The following NKAIN3 variants were observed in gnomAD, a reference collection of about 807,000 sequenced individuals.
NKAIN3 encodes the protein sodium/potassium transporting ATPase interacting 3.
In NKAIN3, 25 loss-of-function variants were observed where a neutral mutation model predicts 30.2. That is an observed-to-expected ratio of 0.83 (90% CI 0.60 to 1.16). The LOEUF is 1.16. Among genes scored for constraint, NKAIN3 ranks in the 50% most tolerant of loss-of-function variants. The pLI, the probability that NKAIN3 is intolerant of heterozygous loss-of-function variation, is 0.00. For synonymous variants in NKAIN3, 91 were observed against 89.6 expected, an observed-to-expected ratio of 1.02 and a Z score of -0.09; for missense variants, 225 against 254.1, an observed-to-expected ratio of 0.89 and a Z score of 0.78.
At chr8:62,581,013 G>A (rs1810272777) in intron 2 of NKAIN3, among the ~76,000 whole-genome samples, 1 of 150,050 alleles carries the variant, frequency 6.7e-6, no homozygotes, top group South Asian at 2.1e-4. Context: ...CAAGGCAGGA[G>A]GATCGCTTGA....
At chr8:62,554,014 C>T (rs2129948132) in intron 1 of NKAIN3, among the ~76,000 whole-genome samples, 1 of 152,312 alleles carries the variant, frequency 6.6e-6, no homozygotes, top group Non-Finnish European at 1.5e-5. Flanking sequence ...TTCACCTCAA[C>T]ATACAGCGAT....
chr8:62,462,299 G>T (rs1806023296), intron 1 of NKAIN3, among the ~76,000 whole-genome samples: 3 of 152,116 alleles, frequency 2.0e-5, no homozygotes, highest in African/African-American at 7.2e-5. Flanking sequence ...AAGAATGGAG[G>T]CATAAAGATC....
chr8:62,424,524 A>G (rs193245633), intron 1 of NKAIN3, among the ~76,000 whole-genome samples: 1 of 152,042 alleles, frequency 6.6e-6, no homozygotes, highest in Non-Finnish European at 1.5e-5. Context: ...AGACTTACAA[A>G]TGGCTGTCAG....
intron 4 of NKAIN3, among the ~76,000 whole-genome samples, chr8:62,876,099 A>G (rs1820786711): frequency 6.6e-6 from 1 of 152,246 alleles, no homozygotes; most frequent in African/African-American, 2.4e-5. Context: ...TGTAATATCC[A>G]GAATTTACAA....
At chr8:62,407,968 A>G (rs1300628053) in intron 1 of NKAIN3, among the ~76,000 whole-genome samples, 2 of 152,148 alleles carry the variant, frequency 1.3e-5, no homozygotes, top group African/African-American at 2.4e-5. Flanking sequence ...GGAGGCTGCA[A>G]TGAGTTATGC....
chr8:62,612,082 A>G (rs543192456), intron 3 of NKAIN3, among the ~76,000 whole-genome samples: 5 of 152,078 alleles, frequency 3.3e-5, no homozygotes, highest in African/African-American at 1.2e-4. Flanking sequence ...TGCCATTTGT[A>G]TGTCTTATTT....
chr8:62,987,111 G>A (rs544208690), downstream of NKAIN3, among the ~76,000 whole-genome samples: 30 of 152,258 alleles, frequency 2.0e-4, no homozygotes, highest in South Asian at 8.3e-4. Flanking sequence ...TATTGGCTGC[G>A]TGTGGTAGCT....
chr8:62,501,874 C>A (rs912183680), intron 1 of NKAIN3, among the ~76,000 whole-genome samples: 2 of 152,128 alleles, frequency 1.3e-5, no homozygotes, highest in African/African-American at 4.8e-5. Context: ...TAACAATATA[C>A]CTATGCTAAG....
rs1563603986 is a variant in NKAIN3, at chr8:62,870,259, T to TCTAG, written c.472-48194_472-48193insCTAG. Among the ~76,000 whole-genome samples, 24 of 77,860 alleles carry TCTAG rather than the reference T, an allele frequency of 3.1e-4. 1 individual carries two copies. The highest frequency in any genetic ancestry group is 1.2e-3 in the African/African-American group (24 of 19,594). The allele number at this position is 77,860 out of a possible 152,430, so 51.1% of individuals were successfully genotyped here. On this transcript the variant is annotated intron_variant, in intron 4 of 6. Coordinates refer to ENST00000623646, the MANE Select transcript of NKAIN3 (RefSeq NM_001304533.3). ...AGATATCTATAGATATCTATATATA[T>TCTAG]ATCTATATATAGATATATATAAATA...
intron 4 of NKAIN3, among the ~76,000 whole-genome samples, chr8:62,850,752 G>T (rs966430982): frequency 6.6e-6 from 1 of 152,082 alleles, no homozygotes; most frequent in African/African-American, 2.4e-5. Flanking sequence ...GTTTGTCAAA[G>T]ATCAAATGGT....
At chr8:62,938,245 G>A (rs10095898) in intron 5 of NKAIN3, among the ~76,000 whole-genome samples, 10,750 of 152,054 alleles carry the variant, frequency 0.071, 393 homozygotes, top group South Asian at 0.13. Context: ...TACTACTACA[G>A]CTGATGCCGT....
chr8:62,435,925 C>CATTAA (rs1426881257), intron 1 of NKAIN3, among the ~76,000 whole-genome samples: 1 of 152,082 alleles, frequency 6.6e-6, no homozygotes, highest in Non-Finnish European at 1.5e-5. Flanking sequence ...TTTCTTTAGC[C>CATTAA]ATTAAATATT....
chr8:62,308,698 G>A (rs1368569242), intron 1 of NKAIN3, among the ~76,000 whole-genome samples: 2 of 150,470 alleles, frequency 1.3e-5, no homozygotes, highest in African/African-American at 2.5e-5. Context: ...GGATGCAAGA[G>A]TCATGACATT....
intron 1 of NKAIN3, among the ~76,000 whole-genome samples, chr8:62,373,863 A>G (rs1317021381): frequency 6.6e-6 from 1 of 152,146 alleles, no homozygotes; most frequent in Non-Finnish European, 1.5e-5. Flanking sequence ...CTGTAATCCT[A>G]GCACTTTGGG....
intron 1 of NKAIN3, among the ~76,000 whole-genome samples, chr8:62,403,431 A>G (rs1461184074): frequency 1.3e-5 from 2 of 152,184 alleles, no homozygotes; most frequent in Non-Finnish European, 2.9e-5. Context: ...TTACAGGCCC[A>G]GAGGCTTAAA....
At chr8:62,566,441 A>G (rs1415885455) in intron 1 of NKAIN3, among the ~76,000 whole-genome samples, 2 of 151,338 alleles carry the variant, frequency 1.3e-5, no homozygotes, top group East Asian at 3.9e-4. Context: ...TAATTAATAA[A>G]TGAATGAGTG....
intron 1 of NKAIN3, among the ~76,000 whole-genome samples, chr8:62,324,696 A>G (rs1405471069): frequency 6.6e-6 from 1 of 152,158 alleles, no homozygotes; most frequent in Non-Finnish European, 1.5e-5. Context: ...CAGAAAAGTT[A>G]ACAGAACAAG....
At chr8:62,297,462 A>C (rs1326872816) in intron 1 of NKAIN3, among the ~76,000 whole-genome samples, 2 of 152,124 alleles carry the variant, frequency 1.3e-5, no homozygotes, top group Non-Finnish European at 2.9e-5. Flanking sequence ...CAATGAACTC[A>C]AACAAATTTA....
intron 4 of NKAIN3, among the ~76,000 whole-genome samples, chr8:62,839,844 C>T (rs1819478025): frequency 6.6e-6 from 1 of 152,032 alleles, no homozygotes; most frequent in Admixed American, 6.6e-5. Flanking sequence ...GAACTCAGGC[C>T]TCAAGCAATA....
Sources: gnomAD v4.1 joint callset for allele counts (sites outside exome capture counted in the v4.1 genomes callset) on GRCh38, gnomAD v4.1.1 for gene constraint, MANE v1.5 for transcripts, NCBI Gene and HGNC (gene_info 2026-07-23, HGNC 2026-07-21) for gene names.